The following PDE8B variants were observed in gnomAD, a reference collection of about 807,000 sequenced individuals.
PDE8B encodes high affinity cAMP-specific and IBMX-insensitive 3',5'-cyclic phosphodiesterase 8B.
In PDE8B, 26 loss-of-function variants were observed where a neutral mutation model predicts 101.3. That is an observed-to-expected ratio of 0.26 (90% CI 0.19 to 0.36). The LOEUF (loss-of-function observed/expected upper bound fraction) is 0.36, where lower values mean the gene tolerates loss of function less well. Ranked by LOEUF, PDE8B falls within the 10% of genes least tolerant of loss-of-function variation. The pLI is 1.00. For synonymous variants in PDE8B, 424 were observed against 429.3 expected, an observed-to-expected ratio of 0.99 and a Z score of 0.15; for missense variants, 810 against 1,163.1, an observed-to-expected ratio of 0.70 and a Z score of 4.42.
At chr5:77,380,162 G>A (rs765143553) in intron 10 of PDE8B, among the ~76,000 whole-genome samples, 1 of 152,186 alleles carries the variant, frequency 6.6e-6, no homozygotes, top group Non-Finnish European at 1.5e-5. Context: ...ATATAATTCT[G>A]AGTTTGAAAA....
intron 1 of PDE8B, chr5:77,290,489 G>A (rs1561477598): frequency 6.8e-7 from 1 of 1,464,978 alleles, no homozygotes; most frequent in South Asian, 1.1e-5. Context: ...GGAAAATCTG[G>A]GCAGATATTC....
At chr5:77,377,595 A>G (rs1786391824) in intron 10 of PDE8B, among the ~76,000 whole-genome samples, 1 of 152,234 alleles carries the variant, frequency 6.6e-6, no homozygotes, top group Non-Finnish European at 1.5e-5. Flanking sequence ...AGATACCCAG[A>G]AAAAGGGTCT....
chr5:77,226,090 A>G (rs968742942), intron 1 of PDE8B, among the ~76,000 whole-genome samples: 1 of 152,234 alleles, frequency 6.6e-6, no homozygotes, highest in African/African-American at 2.4e-5. Context: ...AGTGATTAGC[A>G]CAATACAGTT....
At chr5:77,181,310 G>A in the PDE8B span, among the ~76,000 whole-genome samples, 1 of 152,192 alleles carries the variant, frequency 6.6e-6, no homozygotes, top group Admixed American at 6.5e-5. Context: ...CTGTGGTAGG[G>A]AGGGACGCTT....
At chr5:77,184,583 T>C in the PDE8B span, among the ~76,000 whole-genome samples, 1 of 152,174 alleles carries the variant, frequency 6.6e-6, no homozygotes, top group Non-Finnish European at 1.5e-5. Context: ...ATTCCTAAAA[T>C]ATCTGTTTTT....
At chr5:77,172,277 C>A in the PDE8B span, among the ~76,000 whole-genome samples, 1 of 152,120 alleles carries the variant, frequency 6.6e-6, no homozygotes, top group Non-Finnish European at 1.5e-5. Context: ...CTTTAGTAGG[C>A]CCACAATAAA....
At chr5:77,174,080 T>C in the PDE8B span, among the ~76,000 whole-genome samples, 1 of 152,204 alleles carries the variant, frequency 6.6e-6, no homozygotes, top group Admixed American at 6.5e-5. Flanking sequence ...TAGTCTGTTT[T>C]GAAGCTTGGT....
the PDE8B span, among the ~76,000 whole-genome samples, chr5:77,093,633 G>A: frequency 6.6e-6 from 1 of 152,134 alleles, no homozygotes; most frequent in Non-Finnish European, 1.5e-5. Context: ...GCTATTCATC[G>A]TTGTTCCTTT....
At chr5:77,142,613 A>T in the PDE8B span, among the ~76,000 whole-genome samples, 1 of 152,210 alleles carries the variant, frequency 6.6e-6, no homozygotes, top group Non-Finnish European at 1.5e-5. Context: ...GGAACTGCTG[A>T]AAACAATCTG....
chr5:77,185,265 C>T, the PDE8B span, among the ~76,000 whole-genome samples: 3 of 152,194 alleles, frequency 2.0e-5, no homozygotes, highest in Admixed American at 6.5e-5. Flanking sequence ...ATAGCTCACA[C>T]AACCGAGATT....
chr5:77,140,822 G>C, the PDE8B span: 1 of 152,134 alleles, frequency 6.6e-6, no homozygotes, highest in South Asian at 2.1e-4. Flanking sequence ...AGTTATTGCT[G>C]TCAGATGTGT....
rs541644657 is a variant in PDE8B, at chr5:77,398,040, G to C, written c.1168-2208G>C. On this transcript the variant is annotated intron_variant, in intron 10 of 21. Coordinates refer to ENST00000264917, the MANE Select transcript of PDE8B (RefSeq NM_003719.5). ...AGGAAAAAGAGATTCTTCCCTAAAA[G>C]AGGAGTCTTTGATGCCGTCTGTTTT... Among the ~76,000 whole-genome samples, 80 of 152,178 alleles carry C rather than the reference G, an allele frequency of 5.3e-4. 1 individual carries two copies. Among genetic ancestry groups the C allele is most frequent in the Admixed American group, 5.2e-3 (80 of 15,278 alleles).
chr5:77,156,493 G>A, the PDE8B span, among the ~76,000 whole-genome samples: 5 of 152,300 alleles, frequency 3.3e-5, no homozygotes, highest in South Asian at 4.1e-4. Context: ...ACCCAAGGAC[G>A]ATTAAGTGCC....
intron 1 of PDE8B, among the ~76,000 whole-genome samples, chr5:77,304,847 A>T (rs1273351286): frequency 3.3e-5 from 5 of 152,214 alleles, no homozygotes; most frequent in African/African-American, 9.7e-5. Flanking sequence ...TATCTTCCTC[A>T]TGCCAACATT....
chr5:77,194,895 T>C, the PDE8B span, among the ~76,000 whole-genome samples: 1 of 152,228 alleles, frequency 6.6e-6, no homozygotes, highest in African/African-American at 2.4e-5. Context: ...GTGCTGCTAT[T>C]AAACATTTAA....
At chr5:77,137,065 T>C in the PDE8B span, among the ~76,000 whole-genome samples, 1 of 152,212 alleles carries the variant, frequency 6.6e-6, no homozygotes, top group Non-Finnish European at 1.5e-5. Flanking sequence ...TTCTTACATT[T>C]CACCTTTCTC....
intron 1 of PDE8B, among the ~76,000 whole-genome samples, chr5:77,259,359 C>A (rs79187476): frequency 6.6e-6 from 1 of 152,072 alleles, no homozygotes; most frequent in African/African-American, 2.4e-5. Flanking sequence ...AAGCTTCTCT[C>A]GCTATCTTCT....
chr5:77,414,373 G>C (rs1795110144), intron 17 of PDE8B, among the ~76,000 whole-genome samples: 1 of 152,120 alleles, frequency 6.6e-6, no homozygotes, highest in Non-Finnish European at 1.5e-5. Flanking sequence ...TCTTTGAGGA[G>C]CAAAAACACC....
chr5:77,378,663 C>T (rs544160454), intron 10 of PDE8B, among the ~76,000 whole-genome samples: 2 of 152,112 alleles, frequency 1.3e-5, no homozygotes, highest in African/African-American at 2.4e-5. Context: ...TTGCCAATGC[C>T]GCCGGTACAC....
Sources: allele counts gnomAD v4.1 joint callset (sites outside exome capture counted in the v4.1 genomes callset), GRCh38; gene constraint gnomAD v4.1.1; transcripts MANE v1.5; gene names NCBI Gene and HGNC (gene_info 2026-07-23, HGNC 2026-07-21).